The following RPS6KC1 variants were observed in gnomAD, a reference collection of about 807,000 sequenced individuals.
The protein encoded by RPS6KC1 is ribosomal protein S6 kinase C1.
Under a neutral mutation model 103.8 loss-of-function variants are expected in RPS6KC1, and 54 were observed. The observed-to-expected ratio is 0.52, with a 90% CI of 0.42 to 0.65. The LOEUF is 0.65. Ranked by LOEUF, RPS6KC1 falls within the 30% of genes least tolerant of loss-of-function variation. The pLI is 0.00. For missense variants in RPS6KC1, 1,151 were observed against 1,253.8 expected (o/e 0.92, Z 1.24); for synonymous variants, 439 against 438.7 (o/e 1.00, Z -0.01).
the RPS6KC1 span, among the ~76,000 whole-genome samples, chr1:213,530,072 G>A: frequency 1.4e-4 from 19 of 135,124 alleles, no homozygotes; most frequent in Middle Eastern, 3.8e-3. Flanking sequence ...ATTATTATAC[G>A]ATAAGTTTTA....
intron 12 of RPS6KC1, among the ~76,000 whole-genome samples, chr1:213,249,840 A>G (rs1370548757): frequency 1.3e-5 from 2 of 152,240 alleles, no homozygotes; most frequent in Non-Finnish European, 2.9e-5. Context: ...AATGATACCT[A>G]TAAACTCCCT....
chr1:213,605,881 G>A, the RPS6KC1 span, among the ~76,000 whole-genome samples: 7 of 152,248 alleles, frequency 4.6e-5, no homozygotes, highest in African/African-American at 7.2e-5. Context: ...GGGAGACAAC[G>A]CCAGGTGCTG....
the RPS6KC1 span, among the ~76,000 whole-genome samples, chr1:213,439,866 G>GGAGA: frequency 1.1e-4 from 17 of 148,766 alleles, no homozygotes; most frequent in East Asian, 2.4e-3. Context: ...AGAGAGAGAA[G>GGAGA]GAGAGAGAGA....
chr1:213,670,548 A>G, the RPS6KC1 span, among the ~76,000 whole-genome samples: 2 of 152,244 alleles, frequency 1.3e-5, no homozygotes, highest in Non-Finnish European at 2.9e-5. Context: ...CCTTGCTCTC[A>G]GGAACAGACA....
intron 8 of RPS6KC1, among the ~76,000 whole-genome samples, chr1:213,221,442 A>G (rs985392346): frequency 6.6e-6 from 1 of 152,074 alleles, no homozygotes; most frequent in Non-Finnish European, 1.5e-5. Context: ...GCTTTGATGC[A>G]TATGTTCTGA....
the RPS6KC1 span, among the ~76,000 whole-genome samples, chr1:213,651,160 TA>T: frequency 6.6e-6 from 1 of 152,122 alleles, no homozygotes; most frequent in Admixed American, 6.5e-5. Flanking sequence ...ACTTCAAACC[TA>T]CCTCTTATTG....
At chr1:213,793,870 T>G in the RPS6KC1 span, among the ~76,000 whole-genome samples, 11 of 152,222 alleles carry the variant, frequency 7.2e-5, no homozygotes, top group African/African-American at 2.4e-4. Context: ...AAGGGTTTTT[T>G]TGTGTGTGTG....
the RPS6KC1 span, among the ~76,000 whole-genome samples, chr1:213,437,958 CTTTGA>C: frequency 6.6e-6 from 1 of 151,632 alleles, no homozygotes; most frequent in South Asian, 2.1e-4. Flanking sequence ...TTTATTTCTT[CTTTGA>C]TTTATGTTAT....
At chr1:213,802,852 A>C in the RPS6KC1 span, among the ~76,000 whole-genome samples, 1 of 152,138 alleles carries the variant, frequency 6.6e-6, no homozygotes, top group Non-Finnish European at 1.5e-5. Flanking sequence ...TCCAGTTCAC[A>C]CTCAGTATCT....
the RPS6KC1 span, among the ~76,000 whole-genome samples, chr1:213,463,086 AATTTTT>A: frequency 2.0e-5 from 3 of 152,198 alleles, no homozygotes; most frequent in Non-Finnish European, 2.9e-5. Flanking sequence ...CCTAAACTTG[AATTTTT>A]ATTTTTAAAT....
chr1:213,224,135 A>T (rs988401488), intron 8 of RPS6KC1, among the ~76,000 whole-genome samples: 2 of 152,184 alleles, frequency 1.3e-5, no homozygotes, highest in Non-Finnish European at 2.9e-5. Context: ...TTATTTGCTT[A>T]AAAATAATCA....
the RPS6KC1 span, among the ~76,000 whole-genome samples, chr1:213,806,022 A>G: frequency 6.6e-6 from 1 of 152,220 alleles, no homozygotes; most frequent in African/African-American, 2.4e-5. Flanking sequence ...AGGAGGTCTC[A>G]ACAGTGGGCC....
chr1:213,118,021 CAA>C (rs59318173), intron 5 of RPS6KC1, among the ~76,000 whole-genome samples: 357 of 34,168 alleles, frequency 0.01, 38 homozygotes, highest in South Asian at 0.02. Flanking sequence ...GACTTTGTCT[CAA>C]AAAAAAAAAA....
At chr1:213,532,349 G>T in the RPS6KC1 span, among the ~76,000 whole-genome samples, 1 of 98,230 alleles carries the variant, frequency 1.0e-5, no homozygotes, top group Non-Finnish European at 2.7e-5. Context: ...GGAGTTACAG[G>T]GGGAGGGGCT....
the RPS6KC1 span, among the ~76,000 whole-genome samples, chr1:213,790,823 G>C: frequency 6.6e-6 from 1 of 152,146 alleles, no homozygotes; most frequent in Non-Finnish European, 1.5e-5. Context: ...AAGACATAAG[G>C]TGACATCAAT....
chr1:213,535,636 T>C, the RPS6KC1 span, among the ~76,000 whole-genome samples: 1 of 152,164 alleles, frequency 6.6e-6, no homozygotes, highest in East Asian at 1.9e-4. Flanking sequence ...ATTTGTGGCT[T>C]GGCAATGTCT....
At chr1:213,177,537 G>T (rs2091951801) in intron 8 of RPS6KC1, among the ~76,000 whole-genome samples, 1 of 152,178 alleles carries the variant, frequency 6.6e-6, no homozygotes, top group South Asian at 2.1e-4. Context: ...ACATAAAGCT[G>T]TCGGTGTCTT....
At chr1:213,638,019 G>A in the RPS6KC1 span, among the ~76,000 whole-genome samples, 1 of 151,774 alleles carries the variant, frequency 6.6e-6, no homozygotes, top group African/African-American at 2.4e-5. Context: ...GAGTCTTGCT[G>A]TATTGCCCAG....
chr1:213,678,159 TG>T, the RPS6KC1 span, among the ~76,000 whole-genome samples: 1 of 152,230 alleles, frequency 6.6e-6, no homozygotes, highest in Non-Finnish European at 1.5e-5. Flanking sequence ...GTTATTAATT[TG>T]GTGTTATTAA....
Sources: gnomAD v4.1 joint callset for allele counts (sites outside exome capture counted in the v4.1 genomes callset) on GRCh38, gnomAD v4.1.1 for gene constraint, MANE v1.5 for transcripts, NCBI Gene and HGNC (gene_info 2026-07-23, HGNC 2026-07-21) for gene names.